Variants in PLEKHM2 observed in about 807,000 individuals in gnomAD.
The protein encoded by PLEKHM2 is pleckstrin homology and RUN domain containing M2.
PLEKHM2 carries 77 observed loss-of-function variants against 116.3 expected under a neutral mutation model. The ratio of observed to expected loss-of-function variants is 0.66; its 90% CI spans 0.55 to 0.80. The LOEUF is 0.80. Ranked by LOEUF, PLEKHM2 falls within the 30% of genes least tolerant of loss-of-function variation. PLEKHM2 has a pLI of 0.00. For synonymous variants in PLEKHM2, 562 were observed against 571.0 expected (o/e 0.98, Z 0.22); for missense variants, 1,183 against 1,354.9 (o/e 0.87, Z 1.99).
In PLEKHM2 at chr1:15,728,154, T is replaced by G; in HGVS notation, c.1830+6T>G. 1 of 1,609,968 alleles carries G rather than the reference T, an allele frequency of 6.2e-7. No individual in the cohort carries two copies. Among genetic ancestry groups the G allele is most frequent in the Non-Finnish European group, 8.5e-7 (1 of 1,177,700 alleles). ...ACGAAGAGCAGCTGTTCAAAGTAAGTCCTAGGAACTCAGGAGTGAGCAAGA... is the reference window on the plus strand; with the variant it reads ...ACGAAGAGCAGCTGTTCAAAGTAAGGCCTAGGAACTCAGGAGTGAGCAAGA... On this transcript the variant is annotated splice_donor_region_variant and intron_variant, in intron 10 of 19. Coordinates refer to ENST00000375799, the MANE Select transcript of PLEKHM2 (RefSeq NM_015164.4). The surrounding 1 kb of genome is among the most constrained non-coding windows in gnomAD (Gnocchi z 5.9).
At chr1:15,691,509 G>A (rs1267460087) in intron 1 of PLEKHM2, among the ~76,000 whole-genome samples, 2 of 152,172 alleles carry the variant, frequency 1.3e-5, no homozygotes, top group Non-Finnish European at 2.9e-5. Context: ...CCATCTCTCA[G>A]TTCCTGGGTC....
chr1:15,716,405 A>T, intron 2 of PLEKHM2, 62 bp downstream of exon 2: 1 of 1,016,026 alleles, frequency 9.8e-7, no homozygotes, highest in Non-Finnish European at 1.5e-6. Context: ...TAGCCTCCAC[A>T]GAGAAACCCT....
intron 1 of PLEKHM2, among the ~76,000 whole-genome samples, chr1:15,694,384 A>C (rs540926476): frequency 6.6e-5 from 10 of 152,136 alleles, no homozygotes; most frequent in Admixed American, 4.6e-4. Flanking sequence ...AACAAACAAA[A>C]AAACAGGTTT....
At chr1:15,705,000 G>A (rs902707324) in intron 1 of PLEKHM2, among the ~76,000 whole-genome samples, 1 of 152,048 alleles carries the variant, frequency 6.6e-6, no homozygotes, top group Non-Finnish European at 1.5e-5. Context: ...CCCGGGCATT[G>A]TTGGGCTGCG....
At chr1:15,711,373 T>A (rs1365747716) in intron 1 of PLEKHM2, among the ~76,000 whole-genome samples, 1 of 152,014 alleles carries the variant, frequency 6.6e-6, no homozygotes, top group African/African-American at 2.4e-5. Context: ...CCCCACACTT[T>A]GGGAGGCTGA....
intron 7 of PLEKHM2, among the ~76,000 whole-genome samples, chr1:15,724,863 G>T (rs1456897537): frequency 6.6e-6 from 1 of 152,160 alleles, no homozygotes; most frequent in African/African-American, 2.4e-5. Flanking sequence ...CCCTACAAGT[G>T]GGGTATGGGG....
rs12091750 is a variant in PLEKHM2 at position 15,716,271 on chromosome 1, T to A, written c.95T>A (p.Ile32Asn). The A allele has an allele frequency of 1.2e-6, 2 of 1,603,552 alleles. No homozygotes were observed. Among genetic ancestry groups the A allele is most frequent in the Non-Finnish European group, 1.7e-6 (2 of 1,174,726 alleles). Reference sequence around the variant, plus strand: ...TATTTTGCTGCATGTGAGGATGAGATCCCTGCCATCCGGAACCATGACAAG... The same window carrying A: ...TATTTTGCTGCATGTGAGGATGAGAACCCTGCCATCCGGAACCATGACAAG... ...QSYFAACEDE[I>N]PAIRNHDKVL... Residue 32 changes from isoleucine (I) to asparagine (N), a missense_variant, in exon 2 of 20, where the codon ATC (isoleucine) becomes AAC (asparagine). Physicochemically the swap from Ile to Asn is moderately radical, Grantham distance 149 (BLOSUM62 -3). Coordinates refer to ENST00000375799, the MANE Select transcript of PLEKHM2 (RefSeq NM_015164.4).
At position 15,684,586 on chromosome 1, in the gene PLEKHM2, A is replaced by T; in HGVS notation, c.28A>T (p.Ile10Phe). 2 of 1,312,608 alleles carry T rather than the reference A, an allele frequency of 1.5e-6. No individual in the cohort carries two copies. Among genetic ancestry groups the T allele is most frequent in the Non-Finnish European group, 9.8e-7 (1 of 1,017,556 alleles). The allele number at this position is 1,312,608 out of a possible 1,614,324, so 81.3% of individuals were successfully genotyped here. A position where few individuals can be genotyped will look rare whatever the true frequency, so the allele number is the denominator to read the frequency against. MEPGEVKDR[I>F]LENISLSVKK... Reference sequence around the variant, plus strand: ...GGAGCCGGGGGAGGTGAAGGACCGGATCCTGGAGAACATCTCGCTGTCGGT... The same window carrying T: ...GGAGCCGGGGGAGGTGAAGGACCGGTTCCTGGAGAACATCTCGCTGTCGGT... Residue 10 changes from isoleucine to phenylalanine, a missense_variant, in exon 1 of 20, where the codon ATC (isoleucine) becomes TTC (phenylalanine). Physicochemically the swap from Ile to Phe is conservative, Grantham distance 21. This residue lies in a region of PLEKHM2 where 217 missense variants were observed against 277.6 expected (regional missense o/e 0.78). Coordinates refer to ENST00000375799, the MANE Select transcript of PLEKHM2 (RefSeq NM_015164.4).
chr1:15,722,627 C>T (rs2068010096), intron 7 of PLEKHM2: 1 of 152,278 alleles, frequency 6.6e-6, no homozygotes, highest in South Asian at 2.1e-4. Flanking sequence ...ACAGGTGATC[C>T]GTTCCCAGAT....
chr1:15,690,055 C>T (rs1232455709), intron 1 of PLEKHM2, among the ~76,000 whole-genome samples: 3 of 147,524 alleles, frequency 2.0e-5, no homozygotes, highest in South Asian at 2.1e-4. Flanking sequence ...CGCACCCAGC[C>T]GAGGTTTTTT....
intron 8 of PLEKHM2, among the ~76,000 whole-genome samples, 158 bp from the exon 9 acceptor site, chr1:15,726,856 C>G (rs2068068912): frequency 6.6e-6 from 1 of 152,114 alleles, no homozygotes; most frequent in Admixed American, 6.5e-5. Context: ...CTGTTGTCCT[C>G]TGACCCAGTG....
Position 15,730,542 on chromosome 1 carries a change from T to C in PLEKHM2, c.2219T>C (p.Val740Ala). Reference protein sequence around the residue: ...AQESKCEASAVTVRFYGLVHW... With the variant: ...AQESKCEASAATVRFYGLVHW... ...CCGCCCCCGCATCAGGCATCTGCTGTCACCGTGCGCTTCTACGGCCTTGTG... is the reference window on the plus strand; with the variant it reads ...CCGCCCCCGCATCAGGCATCTGCTGCCACCGTGCGCTTCTACGGCCTTGTG... Residue 740 changes from valine to alanine, a missense_variant, in exon 15 of 20, where the codon GTC (valine) becomes GCC (alanine). This residue lies in a region of PLEKHM2 where 594 missense variants were observed against 720.1 expected (regional missense o/e 0.82). Transcript: ENST00000375799. 2 of 1,584,382 alleles carry C rather than the reference T, an allele frequency of 1.3e-6. No individual in the cohort carries two copies. Among genetic ancestry groups the C allele is most frequent in the Non-Finnish European group, 1.7e-6 (2 of 1,165,706 alleles).
At chr1:15,685,541 G>GAAAAAAAAAAAAAAAAAAAAAAAAAAAA (rs200301672) in intron 1 of PLEKHM2, among the ~76,000 whole-genome samples, 5 of 73,508 alleles carry the variant, frequency 6.8e-5, no homozygotes, top group Admixed American at 1.9e-4. Context: ...CTCAGAAACT[G>GAAAAAAAAAAAAAAAAAAAAAAAAAAAA]AAAAAAAAAA....
chr1:15,685,473 C>G (rs1640748274), intron 1 of PLEKHM2, among the ~76,000 whole-genome samples: 1 of 148,366 alleles, frequency 6.7e-6, no homozygotes, highest in Non-Finnish European at 1.5e-5. Context: ...ATTTTTCTCT[C>G]TCTCTCCCTC....
chr1:15,730,416 T>G, intron 14 of PLEKHM2, 116 bp from the exon 15 acceptor site: 1 of 799,486 alleles, frequency 1.3e-6, no homozygotes, highest in Non-Finnish European at 1.9e-6. Flanking sequence ...CAGTCCAGCC[T>G]GGGCGACAGA....
chr1:15,694,760 T>TA (rs372157463), intron 1 of PLEKHM2, among the ~76,000 whole-genome samples: 1 of 151,760 alleles, frequency 6.6e-6, no homozygotes, highest in African/African-American at 2.4e-5. Context: ...TGTTTTGTTT[T>TA]TTTTTTTTGT....
rs1303984032 is a variant in PLEKHM2 at position 15,721,271 on chromosome 1, C to T, written c.653-58C>T. Reference sequence around the variant, plus strand: ...CACCCCATTTCCCCTCCCCTCCCTCCAGTCATCCTTCCACTGCCTGTGTTT... The same window carrying T: ...CACCCCATTTCCCCTCCCCTCCCTCTAGTCATCCTTCCACTGCCTGTGTTT... On this transcript the variant is annotated intron_variant, in intron 6 of 19. Coordinates refer to ENST00000375799, the MANE Select transcript of PLEKHM2 (RefSeq NM_015164.4). This position sits in a 1 kb window ranked among gnomAD's most constrained non-coding sequence, Gnocchi z 5.1. 5 of 1,048,804 alleles carry T rather than the reference C, an allele frequency of 4.8e-6. No homozygotes were observed. The highest frequency in any genetic ancestry group is 5.2e-5 in the East Asian group (2 of 38,448). The allele number at this position is 1,048,804 out of a possible 1,614,324, so 65.0% of individuals were successfully genotyped here.
chr1:15,687,341 T>G (rs1195501144), intron 1 of PLEKHM2, among the ~76,000 whole-genome samples: 2 of 151,660 alleles, frequency 1.3e-5, no homozygotes, highest in East Asian at 3.9e-4. Flanking sequence ...GCCCGGCTAA[T>G]TTTTTTGTAT....
At chr1:15,687,550 AT>A (rs1384112779) in intron 1 of PLEKHM2, among the ~76,000 whole-genome samples, 15 of 152,096 alleles carry the variant, frequency 9.9e-5, no homozygotes, top group African/African-American at 3.6e-4. Context: ...CCATTCCTCA[AT>A]TTTACAAGGT....
Sources: gnomAD v4.1 joint callset for allele counts (sites outside exome capture counted in the v4.1 genomes callset) on GRCh38, gnomAD v4.1.1 for gene constraint, gnomAD v4.1.1 regional missense constraint, Gnocchi (gnomAD v3.1) non-coding constraint, MANE v1.5 for transcripts, NCBI Gene and HGNC (gene_info 2026-07-23, HGNC 2026-07-21) for gene names.